Variants in CHRM3 observed in about 807,000 individuals in gnomAD.
CHRM3 encodes the protein muscarinic acetylcholine receptor M3.
A neutral mutation model predicts 41.8 loss-of-function variants in CHRM3; 11 were observed. The observed-to-expected ratio is 0.26, with a 90% CI of 0.17 to 0.44. The LOEUF is 0.44. Ranked by LOEUF, CHRM3 falls within the 20% of genes least tolerant of loss-of-function variation. The pLI is 1.00. For synonymous variants in CHRM3, 297 were observed against 301.4 expected (o/e 0.99, Z 0.15); for missense variants, 571 against 745.4 (o/e 0.77, Z 2.72).
chr1:239,486,704 A>G (rs1667203189), intron 1 of CHRM3, among the ~76,000 whole-genome samples: 1 of 152,190 alleles, frequency 6.6e-6, no homozygotes. Flanking sequence ...GCTGTAGTTT[A>G]CCAACCCCTG....
intron 2 of CHRM3, among the ~76,000 whole-genome samples, chr1:239,510,762 C>T (rs1249275249): frequency 6.6e-6 from 1 of 151,992 alleles, no homozygotes; most frequent in Non-Finnish European, 1.5e-5. Context: ...TCTTGAACTC[C>T]CGACCTCAGC....
intron 5 of CHRM3, among the ~76,000 whole-genome samples, chr1:239,678,799 A>T (rs1260710157): frequency 1.3e-5 from 2 of 152,164 alleles, no homozygotes; most frequent in African/African-American, 4.8e-5. Flanking sequence ...CTACTCAAAC[A>T]CTAAGATTTT....
At chr1:239,761,313 G>A (rs1666753238) in intron 5 of CHRM3, among the ~76,000 whole-genome samples, 1 of 152,136 alleles carries the variant, frequency 6.6e-6, no homozygotes, top group South Asian at 2.1e-4. Flanking sequence ...TTGTGTGTGT[G>A]TATAAGCTCT....
intron 6 of CHRM3, among the ~76,000 whole-genome samples, chr1:239,830,703 C>CA (rs1448987332): frequency 6.6e-6 from 1 of 152,070 alleles, no homozygotes; most frequent in East Asian, 1.9e-4. Context: ...GACTCCATGT[C>CA]AAAAAATAAA....
chr1:239,837,092 A>G (rs1456046185), intron 6 of CHRM3, among the ~76,000 whole-genome samples: 1 of 152,142 alleles, frequency 6.6e-6, no homozygotes, highest in Non-Finnish European at 1.5e-5. Context: ...TTGTAAGCAG[A>G]AAAAAATGCA....
At chr1:239,772,891 C>T (rs903308857) in intron 5 of CHRM3, among the ~76,000 whole-genome samples, 8 of 152,094 alleles carry the variant, frequency 5.3e-5, no homozygotes, top group East Asian at 3.9e-4. Context: ...TTAATGCATA[C>T]GTGTTTCTAT....
At chr1:239,534,199 A>G (rs10802772) in intron 2 of CHRM3, among the ~76,000 whole-genome samples, 141,959 of 152,174 alleles carry the variant, frequency 0.93, 66,907 homozygotes, top group Non-Finnish European at 1. Flanking sequence ...CTGGTGGCAG[A>G]TGCCTGTAAT....
chr1:239,617,883 G>A (rs1179790890), intron 3 of CHRM3, among the ~76,000 whole-genome samples: 1 of 152,098 alleles, frequency 6.6e-6, no homozygotes, highest in East Asian at 1.9e-4. Context: ...TGACCACTGT[G>A]GTGTGCCCCT....
At chr1:239,682,509 A>C (rs756246835) in intron 5 of CHRM3, among the ~76,000 whole-genome samples, 3 of 152,176 alleles carry the variant, frequency 2.0e-5, no homozygotes, top group Non-Finnish European at 4.4e-5. Flanking sequence ...AGAAATTAAT[A>C]GTATCTGAAA....
At chr1:239,631,047 G>A (rs375864333) in intron 3 of CHRM3, among the ~76,000 whole-genome samples, 1 of 152,064 alleles carries the variant, frequency 6.6e-6, no homozygotes, top group Non-Finnish European at 1.5e-5. Context: ...AGAGGGAGGC[G>A]CTAAAGAGAG....
At chr1:239,420,297 C>G (rs547746600) in intron 1 of CHRM3, among the ~76,000 whole-genome samples, 116 of 152,344 alleles carry the variant, frequency 7.6e-4, no homozygotes, top group African/African-American at 2.7e-3. Flanking sequence ...TCCTTGCTCT[C>G]TCAGCCGCAT....
Position 239,914,250 on chromosome 1 carries a change from A to G in CHRM3, c.*5026A>G, listed in dbSNP as rs1049907653. 6.0e-6 allele frequency: 1 copy of G among 167,068 alleles called. No homozygotes were observed. Among genetic ancestry groups the G allele is most frequent in the Admixed American group, 6.5e-5 (1 of 15,274 alleles). 10.3% of individuals were successfully genotyped at this position (167,068 alleles called of 1,614,324 possible). ...CCTGTATTCTGTGAGTTCCTTGATG[A>G]TAGTAATTGGGTCTTATTCATCACT... On this transcript the variant is annotated 3_prime_UTR_variant, in exon 7 of 7. Coordinates refer to ENST00000676153, the MANE Select transcript of CHRM3 (RefSeq NM_001375978.1).
At chr1:239,431,896 A>G (rs1662862964) in intron 1 of CHRM3, among the ~76,000 whole-genome samples, 1 of 152,132 alleles carries the variant, frequency 6.6e-6, no homozygotes, top group Non-Finnish European at 1.5e-5. Context: ...AATCTGCCAG[A>G]GCACTAAAAT....
rs112383231 is a variant in CHRM3 at position 239,748,335 on chromosome 1, G to A, written c.-147+70047G>A. ...TTTGCAAACATCACTTCTCTCTTAC[G>A]ATGCAGTCAGAATCTTATTGACACT... On this transcript the variant is annotated intron_variant, in intron 5 of 6. Coordinates refer to ENST00000676153, the MANE Select transcript of CHRM3 (RefSeq NM_001375978.1). The surrounding 1 kb of genome is among the most constrained non-coding windows in gnomAD (Gnocchi z 4.3). Among the ~76,000 whole-genome samples, 216 of 152,080 alleles carry A rather than the reference G, an allele frequency of 1.4e-3. No individual in the cohort carries two copies. The highest frequency in any genetic ancestry group is 4.9e-3 in the African/African-American group (205 of 41,484).
At chr1:239,523,551 T>A (rs1669793596) in intron 2 of CHRM3, among the ~76,000 whole-genome samples, 1 of 152,224 alleles carries the variant, frequency 6.6e-6, no homozygotes, top group Admixed American at 6.5e-5. Context: ...GTCCCCAGTG[T>A]GTAAAAATGT....
intron 5 of CHRM3, among the ~76,000 whole-genome samples, chr1:239,740,463 T>C (rs1449155880): frequency 6.6e-6 from 1 of 152,076 alleles, no homozygotes; most frequent in Admixed American, 6.5e-5. Flanking sequence ...AGGGTGGTTT[T>C]TTTTTTTCTT....
chr1:239,732,012 T>C (rs1483776760), intron 5 of CHRM3, among the ~76,000 whole-genome samples: 1 of 151,976 alleles, frequency 6.6e-6, no homozygotes, highest in Non-Finnish European at 1.5e-5. Context: ...TCCATTTTAG[T>C]TCTAACTCAG....
chr1:239,876,066 A>G (rs759633499), intron 6 of CHRM3, among the ~76,000 whole-genome samples: 2 of 152,224 alleles, frequency 1.3e-5, no homozygotes, highest in Non-Finnish European at 2.9e-5. Context: ...GTGACGTGCT[A>G]AAGAACTCAC....
chr1:239,412,215 C>CTTCCTG, intron 1 of CHRM3, among the ~76,000 whole-genome samples: 1 of 140,854 alleles, frequency 7.1e-6, no homozygotes, highest in Non-Finnish European at 1.5e-5. Flanking sequence ...CCCTCCTTCC[C>CTTCCTG]ACTCTTTTTC....
Sources: gnomAD v4.1 joint callset for allele counts (sites outside exome capture counted in the v4.1 genomes callset) on GRCh38, gnomAD v4.1.1 for gene constraint, Gnocchi (gnomAD v3.1) non-coding constraint, MANE v1.5 for transcripts, NCBI Gene and HGNC (gene_info 2026-07-23, HGNC 2026-07-21) for gene names.